Variants in CREB5 observed in about 807,000 individuals in gnomAD.
The protein encoded by CREB5 is cyclic AMP-responsive element-binding protein 5.
CREB5 carries 19 observed loss-of-function variants against 57.1 expected under a neutral mutation model. The observed-to-expected ratio is 0.33, with a 90% confidence interval of 0.23 to 0.49. The LOEUF is 0.49. Ranked by LOEUF, CREB5 falls within the 20% of genes least tolerant of loss-of-function variation. The pLI, the probability that CREB5 is intolerant of heterozygous loss-of-function variation, is 0.99. For synonymous variants in CREB5, 238 were observed against 238.3 expected, an observed-to-expected ratio of 1.00 and a Z score of 0.01; for missense variants, 579 against 671.6, an observed-to-expected ratio of 0.86 and a Z score of 1.52.
At chr7:28,738,609 T>A (rs1022353314) in intron 7 of CREB5, among the ~76,000 whole-genome samples, 1 of 152,208 alleles carries the variant, frequency 6.6e-6, no homozygotes, top group East Asian at 1.9e-4. Flanking sequence ...CCTGGGAATT[T>A]TCTTAAAGGG....
intron 1 of CREB5, among the ~76,000 whole-genome samples, chr7:28,433,480 A>T (rs1788814113): frequency 6.6e-6 from 1 of 152,092 alleles, no homozygotes; most frequent in Non-Finnish European, 1.5e-5. Flanking sequence ...CAGAGTATTA[A>T]TATTTTGCCT....
chr7:28,387,249 G>A (rs988713556), intron 1 of CREB5, among the ~76,000 whole-genome samples: 9 of 151,998 alleles, frequency 5.9e-5, no homozygotes, highest in Non-Finnish European at 1.0e-4. Context: ...GTAGTTTTTT[G>A]ACTTTTTATT....
At chr7:28,524,285 T>C (rs1793329535) in intron 4 of CREB5, among the ~76,000 whole-genome samples, 1 of 150,326 alleles carries the variant, frequency 6.7e-6, no homozygotes, top group African/African-American at 2.4e-5. Context: ...AAGACTAGCC[T>C]GGCCAACATG....
At chr7:28,732,435 T>C (rs1049558481) in intron 7 of CREB5, among the ~76,000 whole-genome samples, 11 of 152,102 alleles carry the variant, frequency 7.2e-5, no homozygotes, top group Non-Finnish European at 1.3e-4. Context: ...GAACACCCCC[T>C]CTCAGACAAA....
At chr7:28,516,592 C>G (rs763871701) in intron 4 of CREB5, among the ~76,000 whole-genome samples, 14 of 152,298 alleles carry the variant, frequency 9.2e-5, no homozygotes, top group Non-Finnish European at 1.9e-4. Flanking sequence ...CATCAGGCAG[C>G]CTTACTGCAG....
rs1485807360 is a variant in CREB5, at chr7:28,823,291, G to C, written c.*4012G>C. The C allele has an allele frequency of 6.6e-6, 1 of 152,478 alleles. No homozygotes were observed. The highest frequency in any genetic ancestry group is 1.5e-5 in the Non-Finnish European group (1 of 67,998). The allele number at this position is 152,478 out of a possible 1,614,324, so 9.4% of individuals were successfully genotyped here. ...TGTGTGTATACAGTGGAATTCAAAG[G>C]ACCAAAGCAAAATTTGAACAGGAAT... is the stretch of plus-strand genomic sequence containing the variant. On this transcript the variant is annotated 3_prime_UTR_variant, in exon 11 of 11. Transcript: ENST00000357727.
At chr7:28,393,527 T>G (rs1166246132) in intron 1 of CREB5, among the ~76,000 whole-genome samples, 1 of 152,218 alleles carries the variant, frequency 6.6e-6, no homozygotes, top group African/African-American at 2.4e-5. Flanking sequence ...GTGGTGAAAA[T>G]TCAGGTCAAC....
chr7:28,384,440 C>T (rs1787038298), intron 1 of CREB5, among the ~76,000 whole-genome samples: 1 of 152,032 alleles, frequency 6.6e-6, no homozygotes. Context: ...TTTGCCTATC[C>T]CAGTATTGTG....
chr7:28,626,139 A>G (rs1797989976), intron 5 of CREB5, among the ~76,000 whole-genome samples: 1 of 152,172 alleles, frequency 6.6e-6, no homozygotes, highest in Admixed American at 6.6e-5. Context: ...AGTATAATTC[A>G]TTGTTTTCTG....
At chr7:28,659,953 C>T (rs1344937560) in intron 5 of CREB5, among the ~76,000 whole-genome samples, 1 of 152,156 alleles carries the variant, frequency 6.6e-6, no homozygotes, top group Non-Finnish European at 1.5e-5. Context: ...TTAAAGGAAA[C>T]TGCTGTCCTA....
At chr7:28,336,610 T>A (rs117215845) in intron 1 of CREB5, among the ~76,000 whole-genome samples, 1 of 151,974 alleles carries the variant, frequency 6.6e-6, no homozygotes, top group Non-Finnish European at 1.5e-5. Context: ...GTTAAAGGTT[T>A]GTCAATTTTG....
intron 4 of CREB5, among the ~76,000 whole-genome samples, chr7:28,555,070 A>G (rs12113157): frequency 0.033 from 4,911 of 148,820 alleles, 309 homozygotes; most frequent in African/African-American, 0.11. Flanking sequence ...GACTCAGCAC[A>G]CTAGAGGTCT....
chr7:28,324,062 C>A (rs1288935557), intron 1 of CREB5, among the ~76,000 whole-genome samples: 2 of 152,272 alleles, frequency 1.3e-5, no homozygotes, highest in South Asian at 2.1e-4. Context: ...CGGCTGTAAA[C>A]ACAGAGAAGC....
At chr7:28,460,746 C>T (rs975443252) in intron 1 of CREB5, among the ~76,000 whole-genome samples, 3 of 151,694 alleles carry the variant, frequency 2.0e-5, no homozygotes, top group African/African-American at 4.8e-5. Context: ...CTGTTTTGCA[C>T]GGTAAATGCT....
chr7:28,575,052 T>A (rs1795853107), intron 5 of CREB5, among the ~76,000 whole-genome samples: 2 of 152,238 alleles, frequency 1.3e-5, no homozygotes, highest in Non-Finnish European at 2.9e-5. Flanking sequence ...GTACCTCCTC[T>A]TACCTTTTCT....
chr7:28,772,630 C>T (rs2128777489), intron 7 of CREB5, among the ~76,000 whole-genome samples: 1 of 152,286 alleles, frequency 6.6e-6, no homozygotes, highest in African/African-American at 2.4e-5. Context: ...CTTTGAGAGA[C>T]ATTTTCAAGC....
chr7:28,471,729 T>C (rs1562739820), intron 1 of CREB5, among the ~76,000 whole-genome samples: 1 of 152,224 alleles, frequency 6.6e-6, no homozygotes, highest in Non-Finnish European at 1.5e-5. Flanking sequence ...CAGACTCTCC[T>C]GGTATCCTTG....
intron 5 of CREB5, among the ~76,000 whole-genome samples, chr7:28,610,891 G>T (rs994536272): frequency 6.6e-6 from 1 of 151,030 alleles, no homozygotes; most frequent in African/African-American, 2.4e-5. Context: ...GTGTGTGCGT[G>T]TGTGTGTGTG....
At chr7:28,441,809 G>C (rs1789195823) in intron 1 of CREB5, among the ~76,000 whole-genome samples, 1 of 152,016 alleles carries the variant, frequency 6.6e-6, no homozygotes, top group African/African-American at 2.4e-5. Context: ...GCTCTTTATG[G>C]TTTTTAAAAA....
Sources: gnomAD v4.1 joint callset for allele counts (sites outside exome capture counted in the v4.1 genomes callset) on GRCh38, gnomAD v4.1.1 for gene constraint, MANE v1.5 for transcripts, NCBI Gene and HGNC (gene_info 2026-07-23, HGNC 2026-07-21) for gene names.